Variants in CACNB4 observed in about 807,000 individuals in gnomAD.
CACNB4 encodes the protein calcium voltage-gated channel auxiliary subunit beta 4.
A neutral mutation model predicts 71.2 loss-of-function variants in CACNB4; 32 were observed. The observed-to-expected ratio is 0.45, with a 90% CI of 0.34 to 0.60. The LOEUF (loss-of-function observed/expected upper bound fraction) is 0.60, where lower values mean the gene tolerates loss of function less well. CACNB4 is among the 20% of genes least tolerant of loss of function. The pLI is 0.01. For synonymous variants in CACNB4, 231 were observed against 236.9 expected, an observed-to-expected ratio of 0.97 and a Z score of 0.23; for missense variants, 464 against 647.9, an observed-to-expected ratio of 0.72 and a Z score of 3.08.
chr2:152,093,400 GGTGT>G (rs34845177), intron 2 of CACNB4, among the ~76,000 whole-genome samples: 141 of 146,628 alleles, frequency 9.6e-4, no homozygotes, highest in Admixed American at 2.4e-3. Context: ...GCTGTTTTTT[GGTGT>G]GTGTGTGTGT....
Position 151,993,637 on chromosome 2 carries a change from C to T in CACNB4, c.147+104693G>A, listed in dbSNP as rs1383036683. Among the ~76,000 whole-genome samples, 8 of 151,260 alleles carry T rather than the reference C, an allele frequency of 5.3e-5. No individual in the cohort carries two copies. In the South Asian group the frequency reaches 6.3e-4, roughly 12 times the overall value. Reference sequence around the variant, plus strand: ...TGGAGTGCAGTAGCACAATCTTGGCCCACTGCAACCTCTGCCTCCCAGGTT... The same window carrying T: ...TGGAGTGCAGTAGCACAATCTTGGCTCACTGCAACCTCTGCCTCCCAGGTT... On this transcript the variant is annotated intron_variant, in intron 2 of 13. Transcript: ENST00000539935.
At chr2:151,872,386 G>A (rs372071895) in intron 6 of CACNB4, 31 bp downstream of exon 6, 70 of 1,252,734 alleles carry the variant, frequency 5.6e-5, no homozygotes, top group Admixed American at 7.4e-5. Context: ...GGAATACAGT[G>A]TATGAAAAAG....
intron 2 of CACNB4, among the ~76,000 whole-genome samples, chr2:152,019,695 G>C (rs1490263085): frequency 2.6e-5 from 4 of 152,230 alleles, no homozygotes; most frequent in Admixed American, 2.6e-4. Context: ...TAAATGGCAA[G>C]TGGACTGAAC....
chr2:151,835,765 A>G lies in CACNB4; in HGVS notation c.*3354T>C, dbSNP rs1165247004. The G allele has an allele frequency of 1.3e-5, 2 of 151,836 alleles. No individual in the cohort carries two copies. The highest frequency in any genetic ancestry group is 4.8e-5 in the African/African-American group (2 of 41,432). 9.4% of individuals were successfully genotyped at this position (151,836 alleles called of 1,614,324 possible). ...AGGCCCCCACACAAAAGACAAGTTC[A>G]AGTATGCAGGTATGAAAAGAGGTTA... On this transcript the variant is annotated 3_prime_UTR_variant, in exon 14 of 14. Transcript: ENST00000539935.
rs1032664889 is a variant in CACNB4 at position 151,928,133 on chromosome 2, G to A, written c.148-44763C>T. Among the ~76,000 whole-genome samples, 11 of 152,198 alleles carry A rather than the reference G, an allele frequency of 7.2e-5. 1 individual carries two copies. The highest frequency in any genetic ancestry group is 2.0e-4 in the Admixed American group (3 of 15,298). ...GGCATGGCAGAGAACCTGGTTCCTG[G>A]GGCTGCTTTGAACTCTAAGTATGAA... On this transcript the variant is annotated intron_variant, in intron 2 of 13. Coordinates refer to ENST00000539935, the MANE Select transcript of CACNB4 (RefSeq NM_000726.5).
At chr2:152,018,433 C>T (rs530060455) in intron 2 of CACNB4, among the ~76,000 whole-genome samples, 19 of 152,082 alleles carry the variant, frequency 1.2e-4, no homozygotes, top group Admixed American at 1.2e-3. Context: ...TAATAATATT[C>T]CTGATGTTGC....
intron 2 of CACNB4, among the ~76,000 whole-genome samples, chr2:152,072,548 A>C (rs748296664): frequency 1.3e-5 from 2 of 152,250 alleles, no homozygotes; most frequent in Admixed American, 6.5e-5. Flanking sequence ...GTAATCTTTT[A>C]ACATTATAAA....
At chr2:151,982,383 C>T (rs2099874872) in intron 2 of CACNB4, among the ~76,000 whole-genome samples, 1 of 152,048 alleles carries the variant, frequency 6.6e-6, no homozygotes, top group East Asian at 1.9e-4. Context: ...CCTGTAATCC[C>T]AGCACTTTGG....
intron 2 of CACNB4, among the ~76,000 whole-genome samples, chr2:151,914,596 C>T (rs2099857006): frequency 6.6e-6 from 1 of 152,176 alleles, no homozygotes; most frequent in South Asian, 2.1e-4. Context: ...TCTTTCTCAT[C>T]TTTGTGAGTT....
In CACNB4 at chr2:152,007,615, G is replaced by A. The variant is rs564870182; in HGVS notation, c.147+90715C>T. 1.1e-4 allele frequency among the ~76,000 whole-genome samples: 17 copies of A among 152,248 alleles called. No individual in the cohort carries two copies. In the South Asian group the frequency reaches 2.3e-3, roughly 20 times the overall value. On this transcript the variant is annotated intron_variant, in intron 2 of 13. Coordinates refer to ENST00000539935, the MANE Select transcript of CACNB4 (RefSeq NM_000726.5). ...TATCCTACATTTTCTTTAGCCATCC[G>A]TCTGTGGATGGACACTTGGGTTACT...
At chr2:151,997,790 G>A (rs1020573528) in intron 2 of CACNB4, among the ~76,000 whole-genome samples, 5 of 152,110 alleles carry the variant, frequency 3.3e-5, no homozygotes, top group Admixed American at 1.3e-4. Context: ...TTACACCACC[G>A]GCTTTGTAGT....
intron 8 of CACNB4, 25 bp downstream of exon 8, chr2:151,870,506 G>A: frequency 6.3e-7 from 1 of 1,589,894 alleles, no homozygotes; most frequent in South Asian, 1.1e-5. Context: ...ATCAAGAACT[G>A]AAGAGTAACA....
chr2:151,874,176 A>C (rs1329105887), intron 5 of CACNB4: 3 of 152,214 alleles, frequency 2.0e-5, no homozygotes, highest in African/African-American at 7.2e-5. Context: ...ATTTTATAGA[A>C]GTGTGAGAAC....
intron 2 of CACNB4, among the ~76,000 whole-genome samples, chr2:152,080,114 T>C (rs960446549): frequency 1.3e-5 from 2 of 151,878 alleles, no homozygotes; most frequent in Non-Finnish European, 1.5e-5. Context: ...TTATTCAGGG[T>C]TTAATTTACT....
At chr2:151,942,678 G>A (rs1039297603) in intron 2 of CACNB4, among the ~76,000 whole-genome samples, 1 of 151,950 alleles carries the variant, frequency 6.6e-6, no homozygotes, top group Non-Finnish European at 1.5e-5. Flanking sequence ...TTAATACCAT[G>A]GGAAAGGAAT....
intron 2 of CACNB4, among the ~76,000 whole-genome samples, chr2:152,086,048 G>C (rs1667750336): frequency 6.6e-6 from 1 of 152,106 alleles, no homozygotes; most frequent in South Asian, 2.1e-4. Flanking sequence ...TAAAATACTT[G>C]TAAATATGAC....
chr2:151,948,398 T>G (rs1286545284), intron 2 of CACNB4, among the ~76,000 whole-genome samples: 2 of 152,218 alleles, frequency 1.3e-5, no homozygotes, highest in African/African-American at 4.8e-5. Flanking sequence ...CAGTGGTTCA[T>G]GCCTGTAATC....
intron 2 of CACNB4, among the ~76,000 whole-genome samples, chr2:151,922,887 C>T (rs941939190): frequency 5.3e-5 from 8 of 152,186 alleles, no homozygotes; most frequent in African/African-American, 1.4e-4. Flanking sequence ...CAATACTGAG[C>T]GTTTGTTGAT....
rs915286423 is a variant in CACNB4 at position 152,083,579 on chromosome 2, A to G, written c.147+14751T>C. Reference sequence around the variant, plus strand: ...ACACAGTGTTAAATGAACCGCACAGAAAGAGTAAAGCTGCTGATGAAGCCA... The same window carrying G: ...ACACAGTGTTAAATGAACCGCACAGGAAGAGTAAAGCTGCTGATGAAGCCA... On this transcript the variant is annotated intron_variant, in intron 2 of 13. Coordinates refer to ENST00000539935, the MANE Select transcript of CACNB4 (RefSeq NM_000726.5). Among the ~76,000 whole-genome samples the G allele has an allele frequency of 1.3e-5, 2 of 152,182 alleles. No individual in the cohort carries two copies. Among genetic ancestry groups the G allele is most frequent in the African/African-American group, 4.8e-5 (2 of 41,442 alleles).
Sources: gnomAD v4.1 joint callset for allele counts (sites outside exome capture counted in the v4.1 genomes callset) on GRCh38, gnomAD v4.1.1 for gene constraint, MANE v1.5 for transcripts, NCBI Gene and HGNC (gene_info 2026-07-23, HGNC 2026-07-21) for gene names.